GRAMD4: variants seen among roughly 807,000 people sequenced by gnomAD.
GRAMD4 encodes GRAM domain-containing protein 4.
GRAMD4 carries 25 observed loss-of-function variants against 83.9 expected under a neutral mutation model. The ratio of observed to expected loss-of-function variants is 0.30; its 90% CI spans 0.22 to 0.42. GRAMD4 has a LOEUF of 0.42. Among genes scored for constraint, GRAMD4 ranks in the 10% least tolerant of loss-of-function variants. The pLI is 1.00. For synonymous variants in GRAMD4, 336 were observed against 320.9 expected (o/e 1.05, Z -0.50); for missense variants, 593 against 788.7 (o/e 0.75, Z 2.97).
intron 1 of GRAMD4, among the ~76,000 whole-genome samples, chr22:46,584,646 G>A (rs1378195097): frequency 6.6e-6 from 1 of 152,150 alleles, no homozygotes; most frequent in Non-Finnish European, 1.5e-5. Flanking sequence ...TTCGAGCCCG[G>A]GCTCCCGGTA....
intron 18 of GRAMD4, among the ~76,000 whole-genome samples, 170 bp from the exon 19 acceptor site, chr22:46,676,977 C>G (rs2082608293): frequency 6.6e-6 from 1 of 152,226 alleles, no homozygotes; most frequent in African/African-American, 2.4e-5. Context: ...GGCTCTGTTC[C>G]CCTGAAGGCT....
At chr22:46,598,105 C>T (rs549566914) in intron 1 of GRAMD4, among the ~76,000 whole-genome samples, 4 of 152,264 alleles carry the variant, frequency 2.6e-5, no homozygotes, top group South Asian at 2.1e-4. Context: ...CCTCAGCTTC[C>T]GGAGTAGCTG....
At chr22:46,667,356 G>A (rs983086079) in intron 10 of GRAMD4, among the ~76,000 whole-genome samples, 1 of 152,112 alleles carries the variant, frequency 6.6e-6, no homozygotes, top group African/African-American at 2.4e-5. Context: ...ACAGAACAAC[G>A]ACAACAAAAA....
At chr22:46,634,444 C>A (rs576125513) in intron 2 of GRAMD4, among the ~76,000 whole-genome samples, 2 of 152,146 alleles carry the variant, frequency 1.3e-5, no homozygotes, top group African/African-American at 4.8e-5. Flanking sequence ...GCAGACTCAG[C>A]GAAGGGGCAG....
chr22:46,637,691 G>A (rs1422439684), intron 2 of GRAMD4, 149 bp from the exon 3 acceptor site: 11 of 734,790 alleles, frequency 1.5e-5, no homozygotes, highest in East Asian at 5.5e-5. Flanking sequence ...CTGCTGCGTC[G>A]TCCCCATGTC....
At chr22:46,616,813 G>C (rs532716613), upstream of GRAMD4, among the ~76,000 whole-genome samples, 3 of 122,210 alleles carry the variant, frequency 2.5e-5, no homozygotes, top group East Asian at 2.7e-4. Flanking sequence ...TGTGTGTGTA[G>C]GTTCCCCTGT....
chr22:46,640,940 A>G (rs1158212532), intron 3 of GRAMD4, among the ~76,000 whole-genome samples: 1 of 152,140 alleles, frequency 6.6e-6, no homozygotes, highest in African/African-American at 2.4e-5. Flanking sequence ...CGAGTCTAAT[A>G]TCACAACTGA....
At position 46,670,525 on chromosome 22, in the gene GRAMD4, C is replaced by G. The variant is rs16995539; in HGVS notation, c.1084+1617C>G. The stretch of plus-strand genomic sequence containing the variant: ...TCCAGAGCTGCAGTGCACTTGCGGC[C>G]CTGGACAGCTCCGGGGCAGGCCGCC... On this transcript the variant is annotated intron_variant, in intron 13 of 18. Transcript: ENST00000406902. 1.4e-3 allele frequency among the ~76,000 whole-genome samples: 217 copies of G among 152,300 alleles called. 1 individual carries two copies. Among genetic ancestry groups the G allele is most frequent in the African/African-American group, 4.8e-3 (201 of 41,570 alleles).
At chr22:46,609,392 T>C (rs2081396472) in intron 1 of GRAMD4, among the ~76,000 whole-genome samples, 1 of 152,080 alleles carries the variant, frequency 6.6e-6, no homozygotes, top group South Asian at 2.1e-4. Context: ...TGTGGGAGAG[T>C]CTTGGTAGGC....
At chr22:46,639,608 A>C (rs143100841) in intron 3 of GRAMD4, among the ~76,000 whole-genome samples, 419 of 147,738 alleles carry the variant, frequency 2.8e-3, no homozygotes, top group African/African-American at 0.01. Flanking sequence ...GTGCGTGTGC[A>C]TGCCCGTGTG....
At chr22:46,592,684 A>G (rs2081221844) in intron 1 of GRAMD4, among the ~76,000 whole-genome samples, 1 of 152,146 alleles carries the variant, frequency 6.6e-6, no homozygotes, top group South Asian at 2.1e-4. Flanking sequence ...GCCCACATGT[A>G]TGGTGACCAG....
chr22:46,587,663 C>A (rs2081163957), intron 1 of GRAMD4, among the ~76,000 whole-genome samples: 1 of 151,992 alleles, frequency 6.6e-6, no homozygotes, highest in Admixed American at 6.5e-5. Context: ...CCTGTCCTGT[C>A]CTGTGGGAGA....
chr22:46,654,343 A>G (rs1320014367), intron 3 of GRAMD4, among the ~76,000 whole-genome samples: 1 of 152,188 alleles, frequency 6.6e-6, no homozygotes, highest in East Asian at 1.9e-4. Context: ...GTGGGTTCAC[A>G]TGCTCCATGC....
intron 3 of GRAMD4, among the ~76,000 whole-genome samples, chr22:46,648,734 G>T (rs2082111246): frequency 6.8e-6 from 1 of 146,148 alleles, no homozygotes; most frequent in East Asian, 2.1e-4. Flanking sequence ...ATGCATGGAT[G>T]GATGGATGGA....
intron 11 of GRAMD4, among the ~76,000 whole-genome samples, 154 bp downstream of exon 11, chr22:46,668,321 T>C (rs886974217): frequency 6.6e-5 from 10 of 152,128 alleles, no homozygotes; most frequent in Admixed American, 2.0e-4. Context: ...TTGTCCGCGG[T>C]CAGCTGACTT....
At chr22:46,671,973 T>C (rs2082513565) in intron 13 of GRAMD4, among the ~76,000 whole-genome samples, 1 of 152,234 alleles carries the variant, frequency 6.6e-6, no homozygotes, top group Non-Finnish European at 1.5e-5. Flanking sequence ...AGATAGTACA[T>C]GGAACTCTGA....
intron 3 of GRAMD4, among the ~76,000 whole-genome samples, chr22:46,641,413 AAG>A (rs2081974145): frequency 2.0e-5 from 3 of 152,066 alleles, no homozygotes; most frequent in African/African-American, 7.3e-5. Flanking sequence ...GGAAGGAAGG[AAG>A]GAAGGAAACA....
At chr22:46,653,690 G>A (rs930243135) in intron 3 of GRAMD4, among the ~76,000 whole-genome samples, 5 of 152,178 alleles carry the variant, frequency 3.3e-5, no homozygotes, top group Admixed American at 6.5e-5. Flanking sequence ...CCTGTTACCC[G>A]TGCAGGGAGG....
At chr22:46,641,337 T>A (rs535429090) in intron 3 of GRAMD4, among the ~76,000 whole-genome samples, 1 of 152,036 alleles carries the variant, frequency 6.6e-6, no homozygotes, top group African/African-American at 2.4e-5. Flanking sequence ...CCTTCCAAAG[T>A]GTTAGGATTA....
Sources: allele counts gnomAD v4.1 joint callset (sites outside exome capture counted in the v4.1 genomes callset), GRCh38; gene constraint gnomAD v4.1.1; transcripts MANE v1.5; gene names NCBI Gene and HGNC (gene_info 2026-07-23, HGNC 2026-07-21).